Variants in TMEM68 observed in about 807,000 individuals in gnomAD.
TMEM68 encodes DGAT1/2-independent enzyme synthesizing storage lipids.
TMEM68 carries 25 observed loss-of-function variants against 36.9 expected under a neutral mutation model. That is an observed-to-expected ratio of 0.68 (90% CI 0.49 to 0.95). TMEM68 has a LOEUF of 0.95. TMEM68 is among the 40% of genes least tolerant of loss of function. TMEM68 has a pLI of 0.00. For missense variants in TMEM68, 333 were observed against 392.0 expected (o/e 0.85, Z 1.27); for synonymous variants, 131 against 124.4 (o/e 1.05, Z -0.35).
chr8:55,771,685 T>A (rs1811175186), intron 1 of TMEM68, among the ~76,000 whole-genome samples: 1 of 152,178 alleles, frequency 6.6e-6, no homozygotes, highest in Non-Finnish European at 1.5e-5. Context: ...ACTTTTCCAT[T>A]TTACTTTTAG....
chr8:55,765,419 AC>A (rs1810934165), intron 1 of TMEM68, among the ~76,000 whole-genome samples: 1 of 152,162 alleles, frequency 6.6e-6, no homozygotes, highest in Non-Finnish European at 1.5e-5. Flanking sequence ...ATGTACGGTA[AC>A]CCCTGTGCCT....
rs1390041352 is a variant in TMEM68, at chr8:55,739,545, A to G, written c.*587T>C. ...TACATAACTGCTAAAGGATTTTGAC[A>G]TTGTTTAAATTAATTATTTTATTAT... On this transcript the variant is annotated 3_prime_UTR_variant, in exon 8 of 8. Coordinates refer to ENST00000434581, the MANE Select transcript of TMEM68 (RefSeq NM_001286657.2). The G allele has an allele frequency of 2.6e-5, 4 of 152,790 alleles. No individual in the cohort carries two copies. The East Asian group carries it at 7.7e-4, about 29-fold the overall frequency. 9.5% of individuals were successfully genotyped at this position (152,790 alleles called of 1,614,324 possible).
At chr8:55,766,852 G>A (rs1810979635) in intron 1 of TMEM68, among the ~76,000 whole-genome samples, 3 of 152,144 alleles carry the variant, frequency 2.0e-5, no homozygotes, top group Admixed American at 1.3e-4. Flanking sequence ...TGTGGCAGAG[G>A]GAAGGCAGTA....
At chr8:55,749,505 G>A (rs1002114960) in intron 5 of TMEM68, among the ~76,000 whole-genome samples, 4 of 152,004 alleles carry the variant, frequency 2.6e-5, no homozygotes, top group Admixed American at 1.3e-4. Context: ...CTTCCCTCAC[G>A]TATCTGGGAA....
At chr8:55,740,944 G>T (rs527501590) in intron 7 of TMEM68, among the ~76,000 whole-genome samples, 2 of 152,080 alleles carry the variant, frequency 1.3e-5, no homozygotes, top group Non-Finnish European at 2.9e-5. Context: ...ATAAAAATAC[G>T]CCCCTTTGGC....
At chr8:55,766,470 G>A (rs1282224010) in intron 1 of TMEM68, among the ~76,000 whole-genome samples, 4 of 147,668 alleles carry the variant, frequency 2.7e-5, no homozygotes, top group Non-Finnish European at 3.0e-5. Context: ...TCCGCCTCCC[G>A]GGTTCACACC....
intron 1 of TMEM68, among the ~76,000 whole-genome samples, chr8:55,771,249 C>G (rs6982702): frequency 0.85 from 129,467 of 152,112 alleles, 55,365 homozygotes; most frequent in East Asian, 0.99. Context: ...CAGAGTATTT[C>G]AAAAACTAAT....
At chr8:55,762,583 C>T in intron 3 of TMEM68, 52 bp downstream of exon 3, 1 of 1,610,194 alleles carries the variant, frequency 6.2e-7, no homozygotes, top group Non-Finnish European at 8.5e-7. Context: ...TAACACAGTT[C>T]CAATGCAGCA....
At chr8:55,761,591 G>A (rs1334813626) in intron 3 of TMEM68, 2 of 152,044 alleles carry the variant, frequency 1.3e-5, no homozygotes, top group African/African-American at 2.4e-5. Flanking sequence ...GAGTATAATC[G>A]GGGTACCACA....
chr8:55,762,346 T>G, intron 3 of TMEM68: 1 of 398,084 alleles, frequency 2.5e-6, no homozygotes, highest in East Asian at 3.8e-5. Flanking sequence ...TACAGCTTTA[T>G]TTAGTCTCTT....
chr8:55,750,253 T>C (rs1401442746), intron 5 of TMEM68, among the ~76,000 whole-genome samples: 1 of 152,188 alleles, frequency 6.6e-6, no homozygotes, highest in African/African-American at 2.4e-5. Context: ...ATGTCAGTGC[T>C]TAAGACTGGG....
intron 1 of TMEM68, among the ~76,000 whole-genome samples, chr8:55,769,018 T>TTAAA (rs1554556017): frequency 6.1e-5 from 5 of 82,086 alleles, no homozygotes; most frequent in South Asian, 7.4e-4. Context: ...ACTCTGTCTT[T>TTAAA]AAAAAAAAAA....
At chr8:55,745,143 A>G (rs756347738) in intron 5 of TMEM68, 22 bp from the exon 6 acceptor site, 1 of 1,420,728 alleles carries the variant, frequency 7.0e-7, no homozygotes, top group South Asian at 1.4e-5. Context: ...GAGAATTTGA[A>G]TTAAAAAGTA....
intron 1 of TMEM68, among the ~76,000 whole-genome samples, chr8:55,766,373 C>CTTTT (rs768070569): frequency 3.5e-5 from 4 of 113,054 alleles, no homozygotes; most frequent in Non-Finnish European, 7.3e-5. Context: ...TCTATGCACG[C>CTTTT]TTTTTTTTTT....
intron 5 of TMEM68, among the ~76,000 whole-genome samples, chr8:55,749,834 T>G (rs1260478968): frequency 6.6e-6 from 1 of 152,232 alleles, no homozygotes; most frequent in Non-Finnish European, 1.5e-5. Context: ...AAGGTATTTC[T>G]TAAACTTTCT....
intron 1 of TMEM68, among the ~76,000 whole-genome samples, chr8:55,767,440 T>C (rs1811006724): frequency 6.6e-6 from 1 of 152,052 alleles, no homozygotes. Context: ...ATTTTAAACA[T>C]GTTAAGTTTA....
At chr8:55,754,923 A>T (rs1307214207) in intron 4 of TMEM68, among the ~76,000 whole-genome samples, 4 of 44,370 alleles carry the variant, frequency 9.0e-5, no homozygotes, top group South Asian at 6.9e-4. Flanking sequence ...TTATATATTT[A>T]TATATATTTA....
intron 5 of TMEM68, chr8:55,746,367 A>G (rs1176953596): frequency 1.3e-5 from 2 of 149,036 alleles, no homozygotes; most frequent in Non-Finnish European, 3.0e-5. Flanking sequence ...GATTGTAGAG[A>G]ATTTCTGCTA....
At position 55,758,087 on chromosome 8, in the gene TMEM68, G is replaced by A. The variant is rs191130388; in HGVS notation, c.326-1676C>T. 9.4e-4 allele frequency among the ~76,000 whole-genome samples: 143 copies of A among 152,230 alleles called. 2 individuals carry two copies. Among genetic ancestry groups the A allele is most frequent in the Non-Finnish European group, 7.8e-4 (53 of 68,024 alleles). On this transcript the variant is annotated intron_variant, in intron 3 of 7. Transcript: ENST00000434581. The stretch of plus-strand genomic sequence containing the variant: ...GACCTTTTCCTGGGGTCGCAGGAGG[G>A]GCGTGAAGAGACTCTTCCTGTGGCA...
Sources: gnomAD v4.1 joint callset for allele counts (sites outside exome capture counted in the v4.1 genomes callset) on GRCh38, gnomAD v4.1.1 for gene constraint, MANE v1.5 for transcripts, NCBI Gene and HGNC (gene_info 2026-07-23, HGNC 2026-07-21) for gene names.